The following ANKS1B variants were observed in gnomAD, a reference collection of about 807,000 sequenced individuals.
ANKS1B encodes the protein ankyrin repeat and sterile alpha motif domain-containing protein 1B.
A neutral mutation model predicts 148.3 loss-of-function variants in ANKS1B; 36 were observed. The observed-to-expected ratio is 0.24, with a 90% CI of 0.19 to 0.32. The LOEUF (loss-of-function observed/expected upper bound fraction) is 0.32, where lower values mean the gene tolerates loss of function less well. ANKS1B is among the 10% of genes least tolerant of loss of function. The pLI is 1.00. For synonymous variants in ANKS1B, 542 were observed against 560.8 expected (o/e 0.97, Z 0.47); for missense variants, 1,157 against 1,542.6 (o/e 0.75, Z 4.19).
At chr12:99,935,418 G>T (rs954119668) in intron 1 of ANKS1B, among the ~76,000 whole-genome samples, 1 of 151,694 alleles carries the variant, frequency 6.6e-6, no homozygotes, top group Non-Finnish European at 1.5e-5. Context: ...CATCTCACAG[G>T]TTTTGTGGTC....
intron 15 of ANKS1B, among the ~76,000 whole-genome samples, chr12:99,103,709 C>G (rs2153683447): frequency 6.6e-6 from 1 of 152,144 alleles, no homozygotes; most frequent in South Asian, 2.1e-4. Context: ...CTATTAAACC[C>G]CTTAAGGGCA....
intron 17 of ANKS1B, among the ~76,000 whole-genome samples, chr12:98,867,438 T>C (rs2099630345): frequency 6.6e-6 from 1 of 152,222 alleles, no homozygotes; most frequent in Admixed American, 6.5e-5. Flanking sequence ...GGTAATATCC[T>C]ACAGAGAGGA....
At chr12:99,068,014 T>C in intron 16 of ANKS1B, among the ~76,000 whole-genome samples, 1 of 152,138 alleles carries the variant, frequency 6.6e-6, no homozygotes, top group Middle Eastern at 3.4e-3. Context: ...CTTACAATAG[T>C]TTTAGTAGTT....
chr12:99,976,991 C>G (rs951216007), intron 1 of ANKS1B, among the ~76,000 whole-genome samples: 1 of 152,196 alleles, frequency 6.6e-6, no homozygotes, highest in Non-Finnish European at 1.5e-5. Flanking sequence ...GAAGGGCAAG[C>G]AAGCATGGGC....
At chr12:99,307,132 G>A (rs555264132) in intron 12 of ANKS1B, among the ~76,000 whole-genome samples, 3 of 152,048 alleles carry the variant, frequency 2.0e-5, no homozygotes, top group Non-Finnish European at 2.9e-5. Context: ...GACTGAAGGT[G>A]GGGACAGAAT....
intron 10 of ANKS1B, among the ~76,000 whole-genome samples, chr12:99,446,232 A>C (rs2095636098): frequency 6.6e-6 from 1 of 152,016 alleles, no homozygotes; most frequent in African/African-American, 2.4e-5. Context: ...ATATTAGGGC[A>C]TGAAGGTAGG....
chr12:99,756,104 C>A (rs2061542559), intron 8 of ANKS1B, among the ~76,000 whole-genome samples: 1 of 151,928 alleles, frequency 6.6e-6, no homozygotes, highest in Admixed American at 6.6e-5. Flanking sequence ...GGCAACCAGG[C>A]AAGAGAAGGA....
intron 14 of ANKS1B, among the ~76,000 whole-genome samples, chr12:99,158,979 C>T (rs1337067482): frequency 6.6e-6 from 1 of 152,118 alleles, no homozygotes; most frequent in Non-Finnish European, 1.5e-5. Context: ...CACCCAGACC[C>T]CATTCATAGA....
intron 9 of ANKS1B, among the ~76,000 whole-genome samples, chr12:99,535,416 C>T (rs186772466): frequency 6.6e-6 from 1 of 152,300 alleles, no homozygotes; most frequent in East Asian, 1.9e-4. Context: ...AACTCATCTC[C>T]CTTCTTGGAC....
chr12:98,967,751 T>TG (rs2099879695), intron 17 of ANKS1B, among the ~76,000 whole-genome samples: 1 of 81,360 alleles, frequency 1.2e-5, no homozygotes, highest in Non-Finnish European at 2.9e-5. Flanking sequence ...CAGACAAATC[T>TG]AAAAAAAAAA....
At chr12:99,610,041 G>A (rs560511783) in intron 9 of ANKS1B, among the ~76,000 whole-genome samples, 6 of 152,034 alleles carry the variant, frequency 3.9e-5, no homozygotes, top group South Asian at 4.2e-4. Context: ...AGTTACAAGC[G>A]CAGAAAAGGT....
At chr12:99,345,976 A>C (rs1004169215) in intron 12 of ANKS1B, among the ~76,000 whole-genome samples, 5 of 152,036 alleles carry the variant, frequency 3.3e-5, no homozygotes, top group Admixed American at 1.3e-4. Context: ...TAAGAGTTAC[A>C]TAGGGTTTGT....
At chr12:99,541,965 C>T (rs1596641619) in intron 9 of ANKS1B, among the ~76,000 whole-genome samples, 1 of 152,044 alleles carries the variant, frequency 6.6e-6, no homozygotes, top group South Asian at 2.1e-4. Context: ...AGCTAAGATT[C>T]TATTTAATGG....
At chr12:99,280,850 C>G (rs1337507143) in intron 12 of ANKS1B, among the ~76,000 whole-genome samples, 1 of 150,924 alleles carries the variant, frequency 6.6e-6, no homozygotes, top group Non-Finnish European at 1.5e-5. Context: ...ATCTCTCTCT[C>G]TCTCTCTCTC....
intron 11 of ANKS1B, among the ~76,000 whole-genome samples, chr12:99,435,046 C>G (rs1273970865): frequency 2.6e-5 from 4 of 152,034 alleles, no homozygotes; most frequent in African/African-American, 7.2e-5. Context: ...GTAGGATAAA[C>G]TCACCTGGAA....
At chr12:99,691,277 G>A (rs1401356104) in intron 8 of ANKS1B, among the ~76,000 whole-genome samples, 2 of 152,186 alleles carry the variant, frequency 1.3e-5, no homozygotes, top group Non-Finnish European at 2.9e-5. Flanking sequence ...GATATGCCCT[G>A]GAGACTTCCT....
intron 12 of ANKS1B, among the ~76,000 whole-genome samples, chr12:99,320,116 C>T (rs941945328): frequency 6.6e-6 from 1 of 152,152 alleles, no homozygotes; most frequent in African/African-American, 2.4e-5. Context: ...TCTCTGGCTG[C>T]CCTTAATATT....
At chr12:99,759,457 C>T (rs1207629272) in intron 8 of ANKS1B, among the ~76,000 whole-genome samples, 1 of 151,872 alleles carries the variant, frequency 6.6e-6, no homozygotes, top group Non-Finnish European at 1.5e-5. Flanking sequence ...GAAGCATGAG[C>T]AATTTCAGCA....
At chr12:99,055,433 A>T (rs1278517434) in intron 16 of ANKS1B, among the ~76,000 whole-genome samples, 1 of 152,206 alleles carries the variant, frequency 6.6e-6, no homozygotes, top group African/African-American at 2.4e-5. Context: ...TTTGGGTCAA[A>T]GTCAGTTGTC....
Sources: gnomAD v4.1 joint callset for allele counts (sites outside exome capture counted in the v4.1 genomes callset) on GRCh38, gnomAD v4.1.1 for gene constraint, MANE v1.5 for transcripts, NCBI Gene and HGNC (gene_info 2026-07-23, HGNC 2026-07-21) for gene names.